Variants in CNOT6L observed in about 807,000 individuals in gnomAD.
CNOT6L encodes the protein CCR4-NOT transcription complex subunit 6 like.
In CNOT6L, 7 loss-of-function variants were observed where a neutral mutation model predicts 64.0. That is an observed-to-expected ratio of 0.11 (90% CI 0.06 to 0.21). CNOT6L has a LOEUF of 0.21. Ranked by LOEUF, CNOT6L falls within the 10% of genes least tolerant of loss-of-function variation. The pLI is 1.00. For synonymous variants in CNOT6L, 193 were observed against 243.4 expected (o/e 0.79, Z 1.93); for missense variants, 245 against 669.0 (o/e 0.37, Z 6.99).
upstream of CNOT6L, chr4:77,819,429 C>CCGCAGA (rs889707508): frequency 1.3e-4 from 212 of 1,590,240 alleles, no homozygotes; most frequent in African/African-American, 7.3e-4. Context: ...AGAGCCGCGG[C>CCGCAGA]CGCAGACGCA....
At position 77,767,946 on chromosome 4, in the gene CNOT6L, C is replaced by T. The variant is rs368883802; in HGVS notation, c.400+5135G>A. Among the ~76,000 whole-genome samples the T allele has an allele frequency of 3.6e-5, 5 of 139,948 alleles. No individual in the cohort carries two copies. The East Asian group carries it at 6.2e-4, about 17-fold the overall frequency. 91.8% of individuals were successfully genotyped at this position (139,948 alleles called of 152,430 possible). A position where few individuals can be genotyped will look rare whatever the true frequency, so the allele number is the denominator to read the frequency against. On this transcript the variant is annotated intron_variant, in intron 4 of 11. Transcript: ENST00000504123. ...GCAAGCTGAGATTTGCACCATTGTACTCCAGCATGGGCGACAGAGCGAGAC... is the reference window on the plus strand; with the variant it reads ...GCAAGCTGAGATTTGCACCATTGTATTCCAGCATGGGCGACAGAGCGAGAC...
intron 1 of CNOT6L, among the ~76,000 whole-genome samples, chr4:77,797,202 A>T (rs1730962294): frequency 6.6e-6 from 1 of 151,292 alleles, no homozygotes; most frequent in Non-Finnish European, 1.5e-5. Flanking sequence ...TATTTTAAAC[A>T]AACGAACCTC....
intron 11 of CNOT6L, among the ~76,000 whole-genome samples, chr4:77,720,992 T>C (rs1287532479): frequency 6.6e-6 from 1 of 152,218 alleles, no homozygotes; most frequent in East Asian, 1.9e-4. Flanking sequence ...CTAATCCTAT[T>C]GGCTATAATA....
chr4:77,763,489 A>G (rs1726471535), intron 4 of CNOT6L, among the ~76,000 whole-genome samples: 1 of 152,158 alleles, frequency 6.6e-6, no homozygotes, highest in Non-Finnish European at 1.5e-5. Flanking sequence ...GAACTACCTA[A>G]TAAAATAAAC....
At chr4:77,796,280 T>G (rs780340255) in intron 1 of CNOT6L, among the ~76,000 whole-genome samples, 1 of 152,174 alleles carries the variant, frequency 6.6e-6, no homozygotes, top group African/African-American at 2.4e-5. Context: ...GGATTTACAC[T>G]ATTGATATGG....
At chr4:77,774,760 A>G in intron 2 of CNOT6L, 44 bp from the exon 3 acceptor site, 2 of 1,303,864 alleles carry the variant, frequency 1.5e-6, no homozygotes, top group Admixed American at 3.0e-5. Context: ...CCCCAGGCCC[A>G]AGATGACACC....
At chr4:77,767,564 T>A (rs1726985792) in intron 4 of CNOT6L, among the ~76,000 whole-genome samples, 1 of 151,876 alleles carries the variant, frequency 6.6e-6, no homozygotes, top group Non-Finnish European at 1.5e-5. Flanking sequence ...AGAAGTGACT[T>A]TACTGATCAC....
At chr4:77,767,580 A>G (rs1002634920) in intron 4 of CNOT6L, among the ~76,000 whole-genome samples, 5 of 151,306 alleles carry the variant, frequency 3.3e-5, no homozygotes, top group Non-Finnish European at 7.4e-5. Flanking sequence ...ATCACTGAGA[A>G]AAGGAAAAAC....
chr4:77,731,327 G>T, intron 9 of CNOT6L, 60 bp downstream of exon 9: 1 of 1,519,038 alleles, frequency 6.6e-7, no homozygotes, highest in Non-Finnish European at 9.0e-7. Flanking sequence ...CACTTGTTTT[G>T]AGATGGAAAA....
In CNOT6L at chr4:77,773,113, C is replaced by T. The variant is rs769058097; in HGVS notation, c.368G>A (p.Arg123Gln). 5.0e-6 allele frequency: 8 copies of T among 1,602,266 alleles called. No homozygotes were observed. The highest frequency in any genetic ancestry group is 3.5e-5 in the Admixed American group (2 of 57,710). The change falls in exon 4 of 12, where the codon CGG becomes CAG. Residue 123 changes from arginine to glutamine, a missense_variant. Arg to Gln is a conservative substitution (Grantham distance 43). Coordinates refer to ENST00000504123, the MANE Select transcript of CNOT6L (RefSeq NM_144571.3). Reference protein sequence around the residue: ...LLRVLPYELGRLFQLQTLGLK... With the variant: ...LLRVLPYELGQLFQLQTLGLK... ...ACCTAGAGTTTGTAGCTGGAAGAGC[C>T]GACCAAGTTCATAAGGCAAAACCCG...
chr4:77,813,635 T>C (rs940930020), intron 1 of CNOT6L, among the ~76,000 whole-genome samples: 2 of 152,152 alleles, frequency 1.3e-5, no homozygotes, highest in Non-Finnish European at 1.5e-5. Context: ...AAAGAGGATA[T>C]ACAAATGTCC....
intron 1 of CNOT6L, among the ~76,000 whole-genome samples, chr4:77,817,390 T>C (rs566005284): frequency 1.3e-5 from 2 of 152,362 alleles, no homozygotes; most frequent in South Asian, 2.1e-4. Flanking sequence ...AGTTACTTAA[T>C]ATTGCTCTAA....
intron 1 of CNOT6L, among the ~76,000 whole-genome samples, chr4:77,778,158 A>C (rs1728361463): frequency 6.6e-6 from 1 of 152,206 alleles, no homozygotes; most frequent in Non-Finnish European, 1.5e-5. Context: ...CCTATATATA[A>C]TACTTCTGAA....
At chr4:77,756,021 T>C (rs886801204) in intron 5 of CNOT6L, among the ~76,000 whole-genome samples, 2 of 152,170 alleles carry the variant, frequency 1.3e-5, no homozygotes, top group Non-Finnish European at 2.9e-5. Context: ...TCACGCTCTG[T>C]CACCCAGGCT....
chr4:77,752,347 C>A (rs762381848), intron 5 of CNOT6L, among the ~76,000 whole-genome samples: 1 of 152,008 alleles, frequency 6.6e-6, no homozygotes, highest in East Asian at 1.9e-4. Flanking sequence ...ATGAATAAAA[C>A]CAAAGTAATC....
At chr4:77,795,797 A>C (rs1315399391) in intron 1 of CNOT6L, among the ~76,000 whole-genome samples, 79 of 152,172 alleles carry the variant, frequency 5.2e-4, no homozygotes, top group Non-Finnish European at 2.9e-5. Context: ...ACACCAGTAC[A>C]CTGGAAACTA....
chr4:77,788,734 GTAA>G (rs1294259928), intron 1 of CNOT6L, among the ~76,000 whole-genome samples: 1 of 151,124 alleles, frequency 6.6e-6, no homozygotes, highest in Non-Finnish European at 1.5e-5. Context: ...TCTCAAAAAA[GTAA>G]TAATAAATAA....
chr4:77,802,813 C>T (rs1436587247), intron 1 of CNOT6L, among the ~76,000 whole-genome samples: 3 of 152,094 alleles, frequency 2.0e-5, no homozygotes, highest in South Asian at 2.1e-4. Flanking sequence ...AGTGGCTAGA[C>T]GGGAATCTGA....
chr4:77,763,933 G>T (rs771373249), intron 4 of CNOT6L, among the ~76,000 whole-genome samples: 1 of 152,192 alleles, frequency 6.6e-6, no homozygotes, highest in Non-Finnish European at 1.5e-5. Flanking sequence ...GACCGAAACA[G>T]TAATGAAATA....
Sources: allele counts gnomAD v4.1 joint callset (sites outside exome capture counted in the v4.1 genomes callset), GRCh38; gene constraint gnomAD v4.1.1; transcripts MANE v1.5; gene names NCBI Gene and HGNC (gene_info 2026-07-23, HGNC 2026-07-21).